The following NEGR1 variants were observed in gnomAD, a reference collection of about 807,000 sequenced individuals.
The protein encoded by NEGR1 is IgLON family member 4.
A neutral mutation model predicts 40.9 loss-of-function variants in NEGR1; 10 were observed. That is an observed-to-expected ratio of 0.24 (90% CI 0.15 to 0.42). The LOEUF is 0.42. NEGR1 is among the 10% of genes least tolerant of loss of function. The probability of loss-of-function intolerance (pLI) is 1.00; values close to 1 mark genes in which losing one functional copy is unlikely to be tolerated. For missense variants in NEGR1, 352 were observed against 438.9 expected, an observed-to-expected ratio of 0.80 and a Z score of 1.77; for synonymous variants, 185 against 166.8, an observed-to-expected ratio of 1.11 and a Z score of -0.84.
In NEGR1 at chr1:71,874,675, C is replaced by T. The variant is rs574012546; in HGVS notation, c.409+60404G>A. On this transcript the variant is annotated intron_variant, in intron 2 of 6. Coordinates refer to ENST00000357731, the MANE Select transcript of NEGR1 (RefSeq NM_173808.3). The stretch of plus-strand genomic sequence containing the variant: ...TTCACTGAAGTGGGTTGAAGCCAGG[C>T]CTGATTCTTAGATGTGTTTAGCATC... Among the ~76,000 whole-genome samples the T allele has an allele frequency of 2.0e-4, 30 of 152,160 alleles. No individual in the cohort carries two copies. The East Asian group carries it at 5.4e-3, about 28-fold the overall frequency.
intron 1 of NEGR1, among the ~76,000 whole-genome samples, chr1:72,260,324 T>C (rs887219551): frequency 6.6e-6 from 1 of 152,102 alleles, no homozygotes; most frequent in East Asian, 1.9e-4. Flanking sequence ...ATAAGCCCAA[T>C]TTTTACAAAG....
At chr1:71,446,308 C>T (rs1207777481) in intron 6 of NEGR1, among the ~76,000 whole-genome samples, 7 of 151,960 alleles carry the variant, frequency 4.6e-5, no homozygotes, top group South Asian at 4.2e-4. Context: ...CTGAGATAAC[C>T]GTCTCAGAAA....
intron 3 of NEGR1, among the ~76,000 whole-genome samples, chr1:71,746,921 G>T (rs1413480464): frequency 1.3e-5 from 2 of 152,104 alleles, no homozygotes; most frequent in African/African-American, 2.4e-5. Context: ...ATCAAAAATG[G>T]AATATTGGCT....
intron 2 of NEGR1, among the ~76,000 whole-genome samples, chr1:71,895,289 G>A (rs1032697836): frequency 1.7e-4 from 26 of 152,120 alleles, no homozygotes; most frequent in Admixed American, 4.6e-4. Flanking sequence ...ATAACCATCC[G>A]TTTAAGTAGG....
chr1:71,825,966 CAT>C (rs1311883921), intron 2 of NEGR1, among the ~76,000 whole-genome samples: 1 of 151,870 alleles, frequency 6.6e-6, no homozygotes, highest in Non-Finnish European at 1.5e-5. Flanking sequence ...CTGTCTCTCA[CAT>C]ATAGAATTTT....
At chr1:71,856,741 C>T (rs1659779969) in intron 2 of NEGR1, among the ~76,000 whole-genome samples, 1 of 151,984 alleles carries the variant, frequency 6.6e-6, no homozygotes, top group African/African-American at 2.4e-5. Context: ...TCTACAAAAC[C>T]CCAAGTTCGA....
intron 3 of NEGR1, among the ~76,000 whole-genome samples, chr1:71,739,557 CTT>C (rs1042249559): frequency 7.2e-5 from 11 of 151,994 alleles, no homozygotes; most frequent in African/African-American, 2.7e-4. Context: ...CATTCTTACT[CTT>C]TTCCGAAAAA....
intron 1 of NEGR1, among the ~76,000 whole-genome samples, chr1:71,966,321 C>G (rs1367947295): frequency 1.3e-5 from 2 of 152,194 alleles, no homozygotes; most frequent in East Asian, 3.8e-4. Context: ...AACACACGTG[C>G]TCTGTCCAAA....
chr1:71,452,872 T>C (rs1260762824), intron 6 of NEGR1, among the ~76,000 whole-genome samples: 2 of 151,842 alleles, frequency 1.3e-5, no homozygotes, highest in African/African-American at 4.8e-5. Context: ...TAACATGTCC[T>C]AACAACTTTT....
At chr1:71,749,609 C>T (rs1655500625) in intron 3 of NEGR1, among the ~76,000 whole-genome samples, 1 of 152,124 alleles carries the variant, frequency 6.6e-6, no homozygotes, top group South Asian at 2.1e-4. Flanking sequence ...CTTCACTGTA[C>T]TTGGCCTGAC....
At chr1:71,570,744 C>T (rs6424433) in intron 6 of NEGR1, among the ~76,000 whole-genome samples, 92,978 of 151,672 alleles carry the variant, frequency 0.61, 29,026 homozygotes, top group Middle Eastern at 0.68. Flanking sequence ...TGAAGGCATA[C>T]CAATTAAATT....
At chr1:71,729,948 T>G (rs557664937) in intron 3 of NEGR1, among the ~76,000 whole-genome samples, 2 of 151,896 alleles carry the variant, frequency 1.3e-5, no homozygotes, top group Non-Finnish European at 2.9e-5. Flanking sequence ...CAATAACTTA[T>G]GAGAGAGTCC....
At chr1:72,186,216 C>A (rs184851103) in intron 1 of NEGR1, among the ~76,000 whole-genome samples, 22 of 151,794 alleles carry the variant, frequency 1.4e-4, no homozygotes, top group Non-Finnish European at 2.1e-4. Flanking sequence ...TTGTCCCAGT[C>A]AGCTGAAATT....
At chr1:71,508,151 G>T (rs999145376) in intron 6 of NEGR1, among the ~76,000 whole-genome samples, 2 of 152,092 alleles carry the variant, frequency 1.3e-5, no homozygotes, top group Non-Finnish European at 2.9e-5. Flanking sequence ...TAAGTTTGTA[G>T]TTCACCACTT....
At position 72,115,211 on chromosome 1, in the gene NEGR1, A is replaced by AT. The variant is rs568178991; in HGVS notation, c.176+167107dup. Among the ~76,000 whole-genome samples, 552 of 151,700 alleles carry AT rather than the reference A, an allele frequency of 3.6e-3. 5 individuals are homozygous for AT. The highest frequency in any genetic ancestry group is 0.013 in the African/African-American group (518 of 41,430). ...GTTAATTGTGGTCTTTTATATATAT[A>AT]TTTTTTCATTTAGCATATAAAATAA... On this transcript the variant is annotated intron_variant, in intron 1 of 6. Coordinates refer to ENST00000357731, the MANE Select transcript of NEGR1 (RefSeq NM_173808.3).
chr1:72,140,665 T>C (rs562226955), intron 1 of NEGR1, among the ~76,000 whole-genome samples: 3 of 152,038 alleles, frequency 2.0e-5, no homozygotes, highest in Non-Finnish European at 4.4e-5. Flanking sequence ...TTTTCTTTAG[T>C]CAGTTGTTTT....
chr1:72,215,139 T>C (rs1357542440), intron 1 of NEGR1, among the ~76,000 whole-genome samples: 1 of 152,022 alleles, frequency 6.6e-6, no homozygotes, highest in African/African-American at 2.4e-5. Context: ...TAATAAATGG[T>C]GCTGGGAAAA....
chr1:72,146,236 A>G (rs1324479382), intron 1 of NEGR1, among the ~76,000 whole-genome samples: 1 of 152,174 alleles, frequency 6.6e-6, no homozygotes, highest in East Asian at 1.9e-4. Flanking sequence ...TAACTTTTTA[A>G]TTAAACACAA....
chr1:71,711,362 A>AAG (rs1186466414), intron 3 of NEGR1, among the ~76,000 whole-genome samples: 1 of 148,294 alleles, frequency 6.7e-6, no homozygotes, highest in Non-Finnish European at 1.5e-5. Context: ...AAAAAAAAAA[A>AAG]AGAAGAAGAC....
Sources: allele counts gnomAD v4.1 joint callset (sites outside exome capture counted in the v4.1 genomes callset), GRCh38; gene constraint gnomAD v4.1.1; transcripts MANE v1.5; gene names NCBI Gene and HGNC (gene_info 2026-07-23, HGNC 2026-07-21).